CLCN6: variants seen among roughly 807,000 people sequenced by gnomAD.
The protein encoded by CLCN6 is Cl-/H+ antiporter 6.
CLCN6 carries 70 observed loss-of-function variants against 109.8 expected under a neutral mutation model. The observed-to-expected ratio is 0.64, with a 90% CI of 0.53 to 0.78. The LOEUF is 0.78. Ranked by LOEUF, CLCN6 falls within the 30% of genes least tolerant of loss-of-function variation. The pLI is 0.00. For missense variants in CLCN6, 984 were observed against 1,142.3 expected (o/e 0.86, Z 2.00); for synonymous variants, 444 against 447.8 (o/e 0.99, Z 0.11).
chr1:11,822,764 C>A lies in CLCN6; in HGVS notation c.416C>A (p.Thr139Asn), dbSNP rs774848277. The change falls in exon 6 of 23, where the codon ACC (threonine) becomes AAC (asparagine). Residue 139 changes from threonine (T) to asparagine (N), a missense_variant. Transcript: ENST00000346436. ...SLLELLGFNL[T>N]FVFLASLLVL... Reference sequence around the variant, plus strand: ...CTTGAACTCCTGGGTTTTAACCTCACCTTTGTCTTCCTGGCAAGCCTCCTT... The same window carrying A: ...CTTGAACTCCTGGGTTTTAACCTCAACTTTGTCTTCCTGGCAAGCCTCCTT... 6.2e-7 allele frequency: 1 copy of A among 1,614,050 alleles called. No individual in the cohort carries two copies. The highest frequency in any genetic ancestry group is 8.5e-7 in the Non-Finnish European group (1 of 1,179,934).
intron 8 of CLCN6, 22 bp downstream of exon 8, chr1:11,824,575 T>C (rs770733916): frequency 2.6e-5 from 41 of 1,604,730 alleles, no homozygotes; most frequent in Non-Finnish European, 3.2e-5. Context: ...TGAGAGGGTG[T>C]GGGCCTCTGG....
At chr1:11,824,741 C>T (rs921841494) in intron 8 of CLCN6, among the ~76,000 whole-genome samples, 188 bp downstream of exon 8, 1 of 152,164 alleles carries the variant, frequency 6.6e-6, no homozygotes, top group Non-Finnish European at 1.5e-5. Flanking sequence ...TAATGATGCC[C>T]TACCGAGCCC....
Position 11,822,762 on chromosome 1 carries a change from C to T in CLCN6, c.414C>T (p.Leu138=). The part of the protein sequence containing the change: ...LSLLELLGFN[L]TFVFLASLLV... Reference sequence around the variant, plus strand: ...TCCTTGAACTCCTGGGTTTTAACCTCACCTTTGTCTTCCTGGCAAGCCTCC... The same window carrying T: ...TCCTTGAACTCCTGGGTTTTAACCTTACCTTTGTCTTCCTGGCAAGCCTCC... Residue 138 remains leucine (L), a synonymous_variant, in exon 6 of 23, where the codon CTC becomes CTT. Transcript: ENST00000346436. 1 of 1,614,114 alleles carries T rather than the reference C, an allele frequency of 6.2e-7. No homozygotes were observed. Among genetic ancestry groups the T allele is most frequent in the Non-Finnish European group, 8.5e-7 (1 of 1,179,954 alleles).
In CLCN6 at chr1:11,827,221, G is replaced by A. The variant is rs199827789; in HGVS notation, c.840G>A (p.Val280=). Reference sequence around the variant, plus strand: ...GGAACCAAGGGCTCACGTGGAAAGTGGTGAGGAGGACCTTCAGTGAAAGCA... The same window carrying A: ...GGAACCAAGGGCTCACGTGGAAAGTAGTGAGGAGGACCTTCAGTGAAAGCA... ...SFWNQGLTWK[V]LFCSMSATFT... The change falls in exon 10 of 23, where the codon GTG becomes GTA. Residue 280 remains valine, a splice_region_variant and synonymous_variant. Coordinates refer to ENST00000346436, the MANE Select transcript of CLCN6 (RefSeq NM_001286.5). The A allele has an allele frequency of 2.6e-5, 42 of 1,609,972 alleles. No homozygotes were observed. Among genetic ancestry groups the A allele is most frequent in the Non-Finnish European group, 5.9e-6 (7 of 1,177,556 alleles).
chr1:11,822,896 T>A, intron 6 of CLCN6, 95 bp downstream of exon 6: 1 of 774,534 alleles, frequency 1.3e-6, no homozygotes, highest in Non-Finnish European at 2.2e-6. Flanking sequence ...AAACTGAGAA[T>A]GCAGATTCCT....
At chr1:11,828,260 A>G (rs899475520) in intron 11 of CLCN6, 41 bp downstream of exon 11, 7 of 1,570,486 alleles carry the variant, frequency 4.5e-6, no homozygotes, top group South Asian at 3.3e-5. Flanking sequence ...AATTTGACCC[A>G]TGAAAATTTC....
intron 2 of CLCN6, among the ~76,000 whole-genome samples, chr1:11,810,379 GA>G (rs1325602011): frequency 1.3e-5 from 2 of 152,056 alleles, no homozygotes. Flanking sequence ...TTGTACCTTT[GA>G]ATTAGAAAGA....
At chr1:11,823,346 G>C (rs566847435) in intron 6 of CLCN6, among the ~76,000 whole-genome samples, 59 of 152,068 alleles carry the variant, frequency 3.9e-4, no homozygotes, top group African/African-American at 1.3e-3. Context: ...GCGTGGTGGC[G>C]CATGCCTGTA....
intron 9 of CLCN6, among the ~76,000 whole-genome samples, chr1:11,826,532 C>G (rs7523257): frequency 0.027 from 4,064 of 152,330 alleles, 169 homozygotes; most frequent in African/African-American, 0.092. Context: ...CAGTGATTCA[C>G]TTGGTCAGCC....
At chr1:11,828,785 G>C (rs1644845205) in intron 12 of CLCN6, among the ~76,000 whole-genome samples, 161 bp downstream of exon 12, 1 of 152,168 alleles carries the variant, frequency 6.6e-6, no homozygotes, top group Non-Finnish European at 1.5e-5. Context: ...TACTTGACAG[G>C]CCAAAGGGCT....
At chr1:11,832,154 A>G (rs1277369135) in intron 13 of CLCN6, among the ~76,000 whole-genome samples, 1 of 152,268 alleles carries the variant, frequency 6.6e-6, no homozygotes, top group Non-Finnish European at 1.5e-5. Context: ...GCTGAGGCAC[A>G]GTATGGTCTT....
chr1:11,840,336 C>A lies in CLCN6; in HGVS notation c.*113C>A. ...CATGGAAGATTCCCAGTCACCCACT[C>A]ACTCAGAAAGCCGGGAGTCATCGGA... On this transcript the variant is annotated 3_prime_UTR_variant, in exon 23 of 23. Coordinates refer to ENST00000346436, the MANE Select transcript of CLCN6 (RefSeq NM_001286.5). 2 of 949,334 alleles carry A rather than the reference C, an allele frequency of 2.1e-6. No homozygotes were observed. Among genetic ancestry groups the A allele is most frequent in the Non-Finnish European group, 3.4e-6 (2 of 592,494 alleles). The allele number at this position is 949,334 out of a possible 1,614,324, so 58.8% of individuals were successfully genotyped here.
In CLCN6 at chr1:11,838,355, C is replaced by G; in HGVS notation, c.2316C>G (p.Leu772=). The G allele has an allele frequency of 6.2e-7, 1 of 1,613,944 alleles. No homozygotes were observed. The highest frequency in any genetic ancestry group is 8.5e-7 in the Non-Finnish European group (1 of 1,180,026). ...TGCAGAGCGCCAGCCAGCCGCGCCT[C>G]TCCTATGCCGAGATGGCCGAGGACT... ...ESQSSASQPR[L]SYAEMAEDYP... is the part of the protein sequence containing the mutation. Residue 772 remains leucine, a synonymous_variant, in exon 21 of 23, where the codon CTC becomes CTG. Coordinates refer to ENST00000346436, the MANE Select transcript of CLCN6 (RefSeq NM_001286.5).
chr1:11,808,349 C>T (rs1178794174), intron 2 of CLCN6, among the ~76,000 whole-genome samples: 2 of 151,976 alleles, frequency 1.3e-5, no homozygotes, highest in Non-Finnish European at 2.9e-5. Context: ...CCATGTCAGC[C>T]TCCCAAAGTT....
intron 17 of CLCN6, among the ~76,000 whole-genome samples, chr1:11,835,553 G>C (rs548024499): frequency 6.6e-6 from 1 of 152,332 alleles, no homozygotes; most frequent in South Asian, 2.1e-4. Flanking sequence ...GGGATTACAT[G>C]CGTGAGCCGC....
chr1:11,816,162 G>A (rs1254311421), intron 3 of CLCN6, among the ~76,000 whole-genome samples: 1 of 152,134 alleles, frequency 6.6e-6, no homozygotes, highest in African/African-American at 2.4e-5. Flanking sequence ...CATTTTGTTT[G>A]CATTTTTTAG....
intron 2 of CLCN6, among the ~76,000 whole-genome samples, chr1:11,808,118 C>T (rs1644545560): frequency 6.6e-6 from 1 of 152,180 alleles, no homozygotes; most frequent in South Asian, 2.1e-4. Context: ...GTCCTCATCA[C>T]ACAGCTTCCA....
intron 4 of CLCN6, among the ~76,000 whole-genome samples, chr1:11,818,485 A>G (rs549899341): frequency 6.6e-6 from 1 of 152,334 alleles, no homozygotes; most frequent in African/African-American, 2.4e-5. Flanking sequence ...GTGTTACTCA[A>G]GCTGAAGCAA....
At position 11,834,493 on chromosome 1, in the gene CLCN6, T is replaced by C; in HGVS notation, c.1696T>C (p.Trp566Arg). Residue 566 changes from tryptophan to arginine, a missense_variant, in exon 17 of 23, where the codon TGG becomes CGG. Trp to Arg is a moderately radical substitution (Grantham distance 101, BLOSUM62 -3). Coordinates refer to ENST00000346436, the MANE Select transcript of CLCN6 (RefSeq NM_001286.5). The surrounding 1 kb of genome is among the most constrained non-coding windows in gnomAD (Gnocchi z 4.5). ...TTGCTTTGTGTTTCAGGTGGCCAAA[T>C]GGACAGGGGACTTTTTCAATAAGGG... ...PIMVTLMVAK[W>R]TGDFFNKGIY... 1 of 1,614,020 alleles carries C rather than the reference T, an allele frequency of 6.2e-7. No individual in the cohort carries two copies. The highest frequency in any genetic ancestry group is 2.2e-5 in the East Asian group (1 of 44,870).
Sources: allele counts gnomAD v4.1 joint callset (sites outside exome capture counted in the v4.1 genomes callset), GRCh38; gene constraint gnomAD v4.1.1; non-coding constraint Gnocchi (gnomAD v3.1); transcripts MANE v1.5; gene names NCBI Gene and HGNC (gene_info 2026-07-23, HGNC 2026-07-21).